KDM7A: variants seen among roughly 807,000 people sequenced by gnomAD.
KDM7A encodes lysine-specific demethylase 7A.
Under a neutral mutation model 114.8 loss-of-function variants are expected in KDM7A, and 28 were observed. That is an observed-to-expected ratio of 0.24 (90% confidence interval 0.18 to 0.33). KDM7A has a LOEUF of 0.33. KDM7A is among the 10% of genes least tolerant of loss of function. KDM7A has a pLI of 1.00. For synonymous variants in KDM7A, 423 were observed against 397.8 expected, an observed-to-expected ratio of 1.06 and a Z score of -0.75; for missense variants, 942 against 1,142.5, an observed-to-expected ratio of 0.82 and a Z score of 2.53.
rs1233517940 is a variant in KDM7A, at chr7:140,096,624, G to A, written c.2305C>T (p.Pro769Ser). The A allele has an allele frequency of 6.2e-7, 1 of 1,614,164 alleles. No individual in the cohort carries two copies. The highest frequency in any genetic ancestry group is 8.5e-7 in the Non-Finnish European group (1 of 1,180,016). ...CSGERNSLQD[P>S]SSCHGSNHEV... ...TGGTTACTGCCATGGCAGCTGCTGG[G>A]ATCCTGGAGAGAGTTTCTTTCACCA... is the stretch of plus-strand genomic sequence containing the variant. The change falls in exon 17 of 20, where the codon CCC (proline) becomes TCC (serine). Residue 769 changes from proline (P) to serine (S), a missense_variant. By Grantham distance (74) the Pro-to-Ser change is moderately conservative. Coordinates refer to ENST00000397560, the MANE Select transcript of KDM7A (RefSeq NM_030647.2).
At chr7:140,095,216 G>A (rs1445992641) in intron 17 of KDM7A, among the ~76,000 whole-genome samples, 5 of 152,128 alleles carry the variant, frequency 3.3e-5, no homozygotes. Flanking sequence ...CTATAAAAAT[G>A]GTATATTTTT....
intron 2 of KDM7A, 66 bp downstream of exon 2, chr7:140,139,039 T>C (rs1182916279): frequency 2.1e-6 from 2 of 973,346 alleles, no homozygotes; most frequent in Non-Finnish European, 3.3e-6. Flanking sequence ...TATTACCATG[T>C]ACATGTAAGT....
chr7:140,176,706 G>C lies in KDM7A; in HGVS notation c.194+38C>G, dbSNP rs1794714837. 8.4e-7 allele frequency: 1 copy of C among 1,194,196 alleles called. No individual in the cohort carries two copies. The highest frequency in any genetic ancestry group is 1.1e-6 in the Non-Finnish European group (1 of 942,014). The allele number at this position is 1,194,196 out of a possible 1,614,324, so 74.0% of individuals were successfully genotyped here. On this transcript the variant is annotated intron_variant, in intron 1 of 19. Coordinates refer to ENST00000397560, the MANE Select transcript of KDM7A (RefSeq NM_030647.2). The surrounding 1 kb of genome is among the most constrained non-coding windows in gnomAD (Gnocchi z 4.4). ...CGGCGGCGGCGGTTGGTCGGTGGCC[G>C]GCGGTGGCGGCTGCGGGGCTGGAGG... is the stretch of plus-strand genomic sequence containing the variant.
intron 11 of KDM7A, among the ~76,000 whole-genome samples, chr7:140,104,299 G>A (rs2116758698): frequency 6.6e-6 from 1 of 152,248 alleles, no homozygotes; most frequent in Non-Finnish European, 1.5e-5. Context: ...TTGCTGTGCA[G>A]AAGCTCTTTA....
At chr7:140,102,847 A>T (rs1326469163) in intron 11 of KDM7A, among the ~76,000 whole-genome samples, 1 of 152,218 alleles carries the variant, frequency 6.6e-6, no homozygotes, top group Non-Finnish European at 1.5e-5. Context: ...TTATACATCT[A>T]TGTAGTTTTA....
At position 140,130,816 on chromosome 7, in the gene KDM7A, T is replaced by TA. The variant is rs577954118; in HGVS notation, c.399-1164_399-1163insT. The stretch of plus-strand genomic sequence containing the variant: ...AAATGCTCCCATTGACAACTACTGA[T>TA]TTAAATGACCCGTTACAACCAGTAT... On this transcript the variant is annotated intron_variant, in intron 3 of 19. Coordinates refer to ENST00000397560, the MANE Select transcript of KDM7A (RefSeq NM_030647.2). 4.1e-3 allele frequency among the ~76,000 whole-genome samples: 617 copies of TA among 151,672 alleles called. 8 individuals carry two copies. The highest frequency in any genetic ancestry group is 0.014 in the African/African-American group (563 of 41,342).
At chr7:140,158,032 G>A (rs2116844934) in intron 1 of KDM7A, among the ~76,000 whole-genome samples, 1 of 151,242 alleles carries the variant, frequency 6.6e-6, no homozygotes, top group South Asian at 2.1e-4. Flanking sequence ...AAATGTTGAA[G>A]CAGGTGGGAA....
chr7:140,113,446 T>C (rs1340579846), intron 10 of KDM7A, 45 bp downstream of exon 10: 1 of 1,131,628 alleles, frequency 8.8e-7, no homozygotes, highest in South Asian at 1.3e-5. Context: ...GTTTTCCTAA[T>C]CTTGTGGCAT....
chr7:140,104,730 G>A (rs2116759504), intron 11 of KDM7A, among the ~76,000 whole-genome samples: 1 of 152,188 alleles, frequency 6.6e-6, no homozygotes. Context: ...GTAGCATGAT[G>A]CCTCCAGCTT....
chr7:140,101,918 T>A, intron 12 of KDM7A, 33 bp downstream of exon 12: 1 of 1,440,438 alleles, frequency 6.9e-7, no homozygotes, highest in South Asian at 1.2e-5. Flanking sequence ...AACAGCCAAG[T>A]TTCTTTTTGT....
chr7:140,106,944 G>T (rs1267869378), intron 11 of KDM7A, among the ~76,000 whole-genome samples: 1 of 152,098 alleles, frequency 6.6e-6, no homozygotes, highest in East Asian at 1.9e-4. Context: ...GGTCTCTAAG[G>T]ACTTGCTTTA....
At chr7:140,123,995 G>A (rs906054608) in intron 7 of KDM7A, among the ~76,000 whole-genome samples, 11 of 151,680 alleles carry the variant, frequency 7.3e-5, no homozygotes, top group South Asian at 2.1e-4. Flanking sequence ...GCACGAACCC[G>A]GGATGGGGAG....
rs578151827 is a variant in KDM7A, at chr7:140,151,240, T to G, written c.195-12050A>C. On this transcript the variant is annotated intron_variant, in intron 1 of 19. Coordinates refer to ENST00000397560, the MANE Select transcript of KDM7A (RefSeq NM_030647.2). ...TCTAAAACTCTAGCATCATGGCTAG[T>G]GCGACACCAAATTTTCATAGGAAGT... is the stretch of plus-strand genomic sequence containing the variant. 3.3e-5 allele frequency among the ~76,000 whole-genome samples: 5 copies of G among 152,336 alleles called. No homozygotes were observed. The South Asian group carries it at 1.0e-3, about 32-fold the overall frequency.
intron 2 of KDM7A, among the ~76,000 whole-genome samples, chr7:140,138,061 T>G (rs1485700198): frequency 6.6e-6 from 1 of 152,170 alleles, no homozygotes; most frequent in African/African-American, 2.4e-5. Context: ...GTGTGGTGGT[T>G]CATGCCTGAA....
rs1817937910 is a variant in KDM7A, at chr7:140,086,954, C to T, written c.*4140G>A. 6.6e-6 allele frequency: 1 copy of T among 152,178 alleles called. No homozygotes were observed. The highest frequency in any genetic ancestry group is 1.5e-5 in the Non-Finnish European group (1 of 68,038). The allele number at this position is 152,178 out of a possible 1,614,324, so 9.4% of individuals were successfully genotyped here. A position where few individuals can be genotyped will look rare whatever the true frequency, so the allele number is the denominator to read the frequency against. On this transcript the variant is annotated 3_prime_UTR_variant, in exon 20 of 20. Transcript: ENST00000397560. Reference sequence around the variant, plus strand: ...TTTTGATAATTATGCCTAGCAGTAGCATACTGGGTCACATGATATTCCAAT... The same window carrying T: ...TTTTGATAATTATGCCTAGCAGTAGTATACTGGGTCACATGATATTCCAAT...
chr7:140,169,455 C>A (rs1794614290), intron 1 of KDM7A, among the ~76,000 whole-genome samples: 1 of 152,158 alleles, frequency 6.6e-6, no homozygotes, highest in Non-Finnish European at 1.5e-5. Context: ...GATCAGAAAA[C>A]TCGATTTCAT....
intron 2 of KDM7A, among the ~76,000 whole-genome samples, chr7:140,137,040 G>T (rs1383724053): frequency 6.6e-6 from 1 of 152,052 alleles, no homozygotes; most frequent in Non-Finnish European, 1.5e-5. Context: ...AATAGCAGAG[G>T]GAAAGGGATC....
intron 2 of KDM7A, among the ~76,000 whole-genome samples, chr7:140,138,344 C>CT (rs1818902685): frequency 6.6e-6 from 1 of 152,024 alleles, no homozygotes. Flanking sequence ...TAATCCAAGC[C>CT]TTTTTCTCTC....
rs146884742 is a variant in KDM7A at position 140,099,179 on chromosome 7, G to A, written c.1764-146C>T. Reference sequence around the variant, plus strand: ...TTCAACTGTGCAATAGTATGCGCTAGGGATCTGAGGTTCGTTTTTTGTTTT... The same window carrying A: ...TTCAACTGTGCAATAGTATGCGCTAAGGATCTGAGGTTCGTTTTTTGTTTT... On this transcript the variant is annotated intron_variant, in intron 13 of 19. Coordinates refer to ENST00000397560, the MANE Select transcript of KDM7A (RefSeq NM_030647.2). 95 of 686,164 alleles carry A rather than the reference G, an allele frequency of 1.4e-4. 1 individual carries two copies. The African/African-American group carries it at 1.5e-3, about 11-fold the overall frequency. 42.5% of individuals were successfully genotyped at this position (686,164 alleles called of 1,614,324 possible).
Sources: allele counts gnomAD v4.1 joint callset (sites outside exome capture counted in the v4.1 genomes callset), GRCh38; gene constraint gnomAD v4.1.1; non-coding constraint Gnocchi (gnomAD v3.1); transcripts MANE v1.5; gene names NCBI Gene and HGNC (gene_info 2026-07-23, HGNC 2026-07-21).